CACNA2D4: variants seen among roughly 807,000 people sequenced by gnomAD.
CACNA2D4 encodes voltage-dependent calcium channel subunit alpha-2/delta-4.
CACNA2D4 carries 157 observed loss-of-function variants against 163.8 expected under a neutral mutation model. The ratio of observed to expected loss-of-function variants is 0.96; its 90% confidence interval spans 0.84 to 1.09. The LOEUF (loss-of-function observed/expected upper bound fraction) is 1.09. Ranked by LOEUF, CACNA2D4 falls within the 50% of genes least tolerant of loss-of-function variation. The pLI, the probability that CACNA2D4 is intolerant of heterozygous loss-of-function variation, is 0.00. For missense variants in CACNA2D4, 1,410 were observed against 1,479.9 expected (o/e 0.95, Z 0.78); for synonymous variants, 598 against 586.9 (o/e 1.02, Z -0.27).
intron 18 of CACNA2D4, among the ~76,000 whole-genome samples, chr12:1,862,452 T>C (rs113313523): frequency 0.038 from 5,794 of 152,288 alleles, 152 homozygotes; most frequent in Non-Finnish European, 0.053. Context: ...TTTTGTTTTG[T>C]TTTGACAGAG....
At chr12:1,852,869 G>A (rs770401241) in intron 23 of CACNA2D4, among the ~76,000 whole-genome samples, 6 of 152,142 alleles carry the variant, frequency 3.9e-5, no homozygotes, top group African/African-American at 1.4e-4. Context: ...CCTCAGGCGA[G>A]TTGCTTGATC....
At chr12:1,873,092 C>T (rs982736996) in intron 18 of CACNA2D4, among the ~76,000 whole-genome samples, 2 of 152,148 alleles carry the variant, frequency 1.3e-5, no homozygotes, top group African/African-American at 2.4e-5. Flanking sequence ...GATAGGCCCA[C>T]CCTCAGGTTG....
chr12:1,806,382 C>T lies in CACNA2D4; in HGVS notation c.2721+3896G>A, dbSNP rs891586924. Among the ~76,000 whole-genome samples, 1 of 152,160 alleles carries T rather than the reference C, an allele frequency of 6.6e-6. No homozygotes were observed. Among genetic ancestry groups the T allele is most frequent in the Non-Finnish European group, 1.5e-5 (1 of 68,018 alleles). Reference sequence around the variant, plus strand: ...AGAGGCCAAATGTCTAATCAGCAGGCCTGGAACACCGCCGGTGCCAAGAAA... The same window carrying T: ...AGAGGCCAAATGTCTAATCAGCAGGTCTGGAACACCGCCGGTGCCAAGAAA... On this transcript the variant is annotated intron_variant, in intron 29 of 37. Coordinates refer to ENST00000382722, the MANE Select transcript of CACNA2D4 (RefSeq NM_172364.5). The surrounding 1 kb of genome is among the most constrained non-coding windows in gnomAD (Gnocchi z 4.1).
At chr12:1,831,107 G>A (rs1202549926) in intron 26 of CACNA2D4, 1 of 1,613,878 alleles carries the variant, frequency 6.2e-7, no homozygotes, top group African/African-American at 1.3e-5. Flanking sequence ...ACAATAAGCT[G>A]AGTGCCCTGC....
chr12:1,860,580 A>G (rs1008785018), intron 18 of CACNA2D4, among the ~76,000 whole-genome samples: 2 of 152,352 alleles, frequency 1.3e-5, no homozygotes, highest in Middle Eastern at 3.4e-3. Flanking sequence ...TATATTGGGC[A>G]GTGCTGATGT....
intron 26 of CACNA2D4, among the ~76,000 whole-genome samples, chr12:1,816,450 G>A (rs1213103769): frequency 1.4e-5 from 2 of 141,266 alleles, no homozygotes; most frequent in African/African-American, 6.4e-5. Context: ...CTGCCCCAGC[G>A]GGCCTCCTGC....
intron 26 of CACNA2D4, among the ~76,000 whole-genome samples, chr12:1,812,729 G>T (rs1863751931): frequency 6.6e-6 from 1 of 152,180 alleles, no homozygotes; most frequent in Non-Finnish European, 1.5e-5. Flanking sequence ...ACAGAAGCAG[G>T]ACTGCAGCCT....
chr12:1,842,970 A>C (rs1865061575), intron 25 of CACNA2D4, among the ~76,000 whole-genome samples: 3 of 152,220 alleles, frequency 2.0e-5, no homozygotes, highest in Non-Finnish European at 2.9e-5. Context: ...GGATTAGGGC[A>C]GAGCTTGGCT....
At chr12:1,879,996 A>G (rs1673955401) in intron 13 of CACNA2D4, 115 bp from the exon 14 acceptor site, 2 of 622,634 alleles carry the variant, frequency 3.2e-6, no homozygotes, top group Non-Finnish European at 5.7e-6. Flanking sequence ...ATCCAGCGTC[A>G]CCTTCCCACA....
rs373483454 is a variant in CACNA2D4, at chr12:1,793,389, G to A, written c.*266C>T. Reference sequence around the variant, plus strand: ...ACGCTGGCTTCCCGAAGAGGAGACAGGAAGGTTAGGTCAGAAGTATGCTCA... The same window carrying A: ...ACGCTGGCTTCCCGAAGAGGAGACAAGAAGGTTAGGTCAGAAGTATGCTCA... On this transcript the variant is annotated 3_prime_UTR_variant, in exon 38 of 38. Coordinates refer to ENST00000382722, the MANE Select transcript of CACNA2D4 (RefSeq NM_172364.5). 5 of 541,356 alleles carry A rather than the reference G, an allele frequency of 9.2e-6. No individual in the cohort carries two copies. In the South Asian group the frequency reaches 1.2e-4, roughly 13 times the overall value. 33.5% of individuals were successfully genotyped at this position (541,356 alleles called of 1,614,324 possible).
rs1462190670 is a variant in CACNA2D4, at chr12:1,874,438, AG to A, written c.1878+165del. On this transcript the variant is annotated intron_variant, in intron 18 of 37. Coordinates refer to ENST00000382722, the MANE Select transcript of CACNA2D4 (RefSeq NM_172364.5). The surrounding 1 kb of genome is among the most constrained non-coding windows in gnomAD (Gnocchi z 4.4). ...TCATTCCCTGGCTAGGTGTTTCTCC[AG>A]GGCCAATGCACCCTGCGTATACTCC... is the stretch of plus-strand genomic sequence containing the variant. Among the ~76,000 whole-genome samples the A allele has an allele frequency of 2.0e-5, 3 of 152,200 alleles. No individual in the cohort carries two copies. Among genetic ancestry groups the A allele is most frequent in the African/African-American group, 7.2e-5 (3 of 41,450 alleles).
chr12:1,882,034 G>T, intron 13 of CACNA2D4, among the ~76,000 whole-genome samples: 1 of 152,252 alleles, frequency 6.6e-6, no homozygotes, highest in Non-Finnish European at 1.5e-5. Context: ...GTCCCTGCAA[G>T]TTTCCCTCAC....
rs1372172099 is a variant in CACNA2D4, at chr12:1,874,203, G to T, written c.1878+401C>A. On this transcript the variant is annotated intron_variant, in intron 18 of 37. Transcript: ENST00000382722. The surrounding 1 kb of genome is among the most constrained non-coding windows in gnomAD (Gnocchi z 4.4). ...GGATGAAAATCAGCTGTAGGGAATA[G>T]TGAATATTTCAATCTCTTCCTGTAT... 6.6e-6 allele frequency among the ~76,000 whole-genome samples: 1 copy of T among 152,220 alleles called. No individual in the cohort carries two copies. The highest frequency in any genetic ancestry group is 2.4e-5 in the African/African-American group (1 of 41,458).
At chr12:1,879,511 G>A (rs1364337312) in intron 14 of CACNA2D4, among the ~76,000 whole-genome samples, 10 of 152,140 alleles carry the variant, frequency 6.6e-5, no homozygotes, top group African/African-American at 2.4e-4. Context: ...GAAGGCTGAC[G>A]GGAAACCCTC....
At position 1,797,445 on chromosome 12, in the gene CACNA2D4, C is replaced by T. The variant is rs1304968728; in HGVS notation, c.3086G>A (p.Gly1029Glu). Reference protein sequence around the residue: ...VYQPAIREANGIVECGPCQKV... With the variant: ...VYQPAIREANEIVECGPCQKV... ...CTGGCAGGGCCCGCACTCCACGATC[C>T]CGTTGGCCTCCCGGATGGCCGGCTG... Residue 1029 changes from glycine (G) to glutamate (E), a missense_variant, in exon 35 of 38, where the codon GGG becomes GAG. Coordinates refer to ENST00000382722, the MANE Select transcript of CACNA2D4 (RefSeq NM_172364.5). 6.4e-7 allele frequency: 1 copy of T among 1,569,946 alleles called. No homozygotes were observed. Among genetic ancestry groups the T allele is most frequent in the Admixed American group, 1.8e-5 (1 of 55,352 alleles).
At position 1,875,641 on chromosome 12, in the gene CACNA2D4, C is replaced by T. The variant is rs1374070723; in HGVS notation, c.1720-304G>A. ...CCCTAATTGTTAGAAAGTTCCTCCT[C>T]ACACAAAGCTGAAATCCATCTCCCT... On this transcript the variant is annotated intron_variant, in intron 16 of 37. Transcript: ENST00000382722. The surrounding 1 kb of genome is among the most constrained non-coding windows in gnomAD (Gnocchi z 4.0). Among the ~76,000 whole-genome samples the T allele has an allele frequency of 6.6e-6, 1 of 152,150 alleles. No homozygotes were observed. Among genetic ancestry groups the T allele is most frequent in the Non-Finnish European group, 1.5e-5 (1 of 68,014 alleles).
At position 1,828,035 on chromosome 12, in the gene CACNA2D4, C is replaced by T; in HGVS notation, c.2551+12704G>A. On this transcript the variant is annotated intron_variant, in intron 26 of 37. Coordinates refer to ENST00000382722, the MANE Select transcript of CACNA2D4 (RefSeq NM_172364.5). The surrounding 1 kb of genome is among the most constrained non-coding windows in gnomAD (Gnocchi z 4.2). Reference sequence around the variant, plus strand: ...CCCTAACCCCTGGGCTGGAACGGGGCTCCCGCGCCTGCCTGTGCTCAGTGC... The same window carrying T: ...CCCTAACCCCTGGGCTGGAACGGGGTTCCCGCGCCTGCCTGTGCTCAGTGC... 1 of 976,574 alleles carries T rather than the reference C, an allele frequency of 1.0e-6. No individual in the cohort carries two copies. Among genetic ancestry groups the T allele is most frequent in the Non-Finnish European group, 1.4e-6 (1 of 703,306 alleles). The allele number at this position is 976,574 out of a possible 1,614,324, so 60.5% of individuals were successfully genotyped here. A position where few individuals can be genotyped will look rare whatever the true frequency, so the allele number is the denominator to read the frequency against.
intron 18 of CACNA2D4, among the ~76,000 whole-genome samples, chr12:1,870,512 G>A (rs80281596): frequency 0.046 from 6,967 of 151,762 alleles, 407 homozygotes; most frequent in African/African-American, 0.13. Flanking sequence ...ACTGGGGAGT[G>A]CCCTTTGGGA....
intron 37 of CACNA2D4, among the ~76,000 whole-genome samples, chr12:1,794,696 C>T (rs557557068): frequency 2.0e-5 from 3 of 152,222 alleles, no homozygotes; most frequent in Non-Finnish European, 2.9e-5. Flanking sequence ...GGCCAAGGCA[C>T]GGGGTACGCA....
Sources: gnomAD v4.1 joint callset for allele counts (sites outside exome capture counted in the v4.1 genomes callset) on GRCh38, gnomAD v4.1.1 for gene constraint, Gnocchi (gnomAD v3.1) non-coding constraint, MANE v1.5 for transcripts, NCBI Gene and HGNC (gene_info 2026-07-23, HGNC 2026-07-21) for gene names.